Variants in C2CD3 observed in about 807,000 individuals in gnomAD.
C2CD3 encodes the protein C2 domain containing 3 centriole elongation regulator, also known as C2 domain-containing protein 3.
A neutral mutation model predicts 234.0 loss-of-function variants in C2CD3; 148 were observed. The ratio of observed to expected loss-of-function variants is 0.63; its 90% CI spans 0.55 to 0.72. The LOEUF (loss-of-function observed/expected upper bound fraction) is 0.72. Ranked by LOEUF, C2CD3 falls within the 30% of genes least tolerant of loss-of-function variation. The probability of loss-of-function intolerance (pLI) is 0.00; values close to 1 mark genes in which losing one functional copy is unlikely to be tolerated. For synonymous variants in C2CD3, 1,000 were observed against 1,035.4 expected, an observed-to-expected ratio of 0.97 and a Z score of 0.66; for missense variants, 2,577 against 2,811.5, an observed-to-expected ratio of 0.92 and a Z score of 1.89.
chr11:74,027,476 A>G (rs1333603485), intron 32 of C2CD3, among the ~76,000 whole-genome samples: 1 of 152,198 alleles, frequency 6.6e-6, no homozygotes. Context: ...TTAATTAGTT[A>G]ATACAAAGTA....
At chr11:74,084,048 A>G (rs1169210359) in intron 22 of C2CD3, among the ~76,000 whole-genome samples, 1 of 152,134 alleles carries the variant, frequency 6.6e-6, no homozygotes, top group East Asian at 1.9e-4. Flanking sequence ...CAACCCAAAT[A>G]TCCATCAATG....
At position 74,114,503 on chromosome 11, in the gene C2CD3, T is replaced by C. The variant is rs1956861570; in HGVS notation, c.1611A>G (p.Arg537=). The change falls in exon 10 of 33, where the codon AGA becomes AGG. Residue 537 remains arginine (R), a synonymous_variant. Coordinates refer to ENST00000334126, the MANE Select transcript of C2CD3 (RefSeq NM_001286577.2). ...LSVDRLALLG[R]THSVRIIIET... Reference sequence around the variant, plus strand: ...CGATGATGATTCTGACTGAATGTGTTCTACCCAAAAGGGCCAGTCTATCCA... The same window carrying C: ...CGATGATGATTCTGACTGAATGTGTCCTACCCAAAAGGGCCAGTCTATCCA... The C allele has an allele frequency of 6.2e-7, 1 of 1,613,804 alleles. No individual in the cohort carries two copies. Among genetic ancestry groups the C allele is most frequent in the Non-Finnish European group, 8.5e-7 (1 of 1,179,720 alleles).
intron 28 of C2CD3, among the ~76,000 whole-genome samples, chr11:74,043,084 T>C (rs555470318): frequency 1.8e-4 from 28 of 152,330 alleles, no homozygotes; most frequent in African/African-American, 6.5e-4. Flanking sequence ...ACGTAACTGT[T>C]ACCACAATCA....
At chr11:74,132,367 A>G (rs1281549981) in intron 7 of C2CD3, among the ~76,000 whole-genome samples, 1 of 152,078 alleles carries the variant, frequency 6.6e-6, no homozygotes, top group East Asian at 1.9e-4. Context: ...ACAAAAAACA[A>G]AAAAAAACCC....
At chr11:74,024,126 A>T (rs1046301751) in intron 32 of C2CD3, among the ~76,000 whole-genome samples, 3 of 152,214 alleles carry the variant, frequency 2.0e-5, no homozygotes, top group Admixed American at 1.3e-4. Context: ...AACTGTTGAA[A>T]ACTAGAGATA....
chr11:74,123,608 A>C (rs1229808798), intron 7 of C2CD3, among the ~76,000 whole-genome samples: 1 of 152,206 alleles, frequency 6.6e-6, no homozygotes, highest in Non-Finnish European at 1.5e-5. Flanking sequence ...TATTAGTTCT[A>C]TATCGAATAC....
intron 11 of C2CD3, among the ~76,000 whole-genome samples, chr11:74,112,203 A>G (rs1198713871): frequency 3.9e-5 from 6 of 152,194 alleles, no homozygotes; most frequent in African/African-American, 1.4e-4. Context: ...TTAGGACCAC[A>G]TCTTTTATTT....
chr11:74,148,974 T>C (rs1855408177), intron 3 of C2CD3, among the ~76,000 whole-genome samples: 2 of 152,212 alleles, frequency 1.3e-5, no homozygotes, highest in South Asian at 4.1e-4. Flanking sequence ...TTCGATAATT[T>C]TGTTACATAA....
At chr11:74,040,092 G>A (rs565057776) in intron 29 of C2CD3, among the ~76,000 whole-genome samples, 6 of 152,346 alleles carry the variant, frequency 3.9e-5, no homozygotes, top group African/African-American at 1.4e-4. Context: ...GGAGGTGAGT[G>A]GGGGCAAGTG....
intron 3 of C2CD3, among the ~76,000 whole-genome samples, chr11:74,149,357 T>C (rs1359513399): frequency 1.1e-5 from 1 of 90,680 alleles, no homozygotes; most frequent in African/African-American, 1.0e-4. Flanking sequence ...ATTTGCTTAG[T>C]TAAAAAAAAA....
chr11:74,102,440 T>C (rs1200208972), intron 14 of C2CD3, among the ~76,000 whole-genome samples: 3 of 152,238 alleles, frequency 2.0e-5, no homozygotes, highest in Admixed American at 6.5e-5. Context: ...GTCTGGCTTA[T>C]ATAGAAATGT....
chr11:74,032,950 T>A (rs1952582937), intron 31 of C2CD3, among the ~76,000 whole-genome samples: 1 of 152,108 alleles, frequency 6.6e-6, no homozygotes, highest in Admixed American at 6.5e-5. Context: ...AAAAGACTTG[T>A]GATGACTGAA....
chr11:74,042,522 G>T (rs956642612), intron 28 of C2CD3, among the ~76,000 whole-genome samples: 6 of 152,148 alleles, frequency 3.9e-5, no homozygotes, highest in Non-Finnish European at 7.4e-5. Flanking sequence ...GGGGGCTGAG[G>T]TGGGTGGTTC....
chr11:74,034,003 TGTCTTCACTGCTCTGCATCC>T lies in C2CD3; in HGVS notation c.6137_6156del (p.Arg2046AsnfsTer2), dbSNP rs1463717568. On this transcript the variant is annotated frameshift_variant, in exon 31 of 33. Coordinates refer to ENST00000334126, the MANE Select transcript of C2CD3 (RefSeq NM_001286577.2). LOFTEE classifies it high-confidence loss of function. The stretch of plus-strand genomic sequence containing the variant: ...TCACTGTAGGCTGGGCCTGCCTCAG[TGTCTTCACTGCTCTGCATCC>T]TTGTAATGGGTACTGCATGCCTCAG... 1 of 1,536,542 alleles carries T rather than the reference TGTCTTCACTGCTCTGCATCC, an allele frequency of 6.5e-7. No individual in the cohort carries two copies. Among genetic ancestry groups the T allele is most frequent in the Admixed American group, 2.0e-5 (1 of 51,000 alleles).
chr11:74,136,651 A>G (rs576658763), intron 5 of C2CD3, among the ~76,000 whole-genome samples: 1 of 152,298 alleles, frequency 6.6e-6, no homozygotes, highest in South Asian at 2.1e-4. Context: ...GCTAGCACAT[A>G]ATCAGTGCTC....
rs1267247134 is a variant in C2CD3 at position 74,078,569 on chromosome 11, C to T, written c.4149G>A (p.Glu1383=). Residue 1383 remains glutamate (E), a synonymous_variant, in exon 23 of 33, where the codon GAG becomes GAA. Coordinates refer to ENST00000334126, the MANE Select transcript of C2CD3 (RefSeq NM_001286577.2). The part of the protein sequence containing the change: ...GDRERVLEAA[E]HLGWSFENSL... Reference sequence around the variant, plus strand: ...TGTTCTCAAAGCTCCAGCCCAAATGCTCAGCAGCTTCCAACACCCGTTCTC... The same window carrying T: ...TGTTCTCAAAGCTCCAGCCCAAATGTTCAGCAGCTTCCAACACCCGTTCTC... 1 of 1,614,122 alleles carries T rather than the reference C, an allele frequency of 6.2e-7. No individual in the cohort carries two copies.
chr11:74,085,482 T>C, intron 21 of C2CD3, 136 bp downstream of exon 21: 1 of 843,956 alleles, frequency 1.2e-6, no homozygotes, highest in Non-Finnish European at 1.8e-6. Context: ...TTTTTTGCTA[T>C]ATCTTTCAGA....
At chr11:74,141,887 A>G (rs114310662) in intron 3 of C2CD3, among the ~76,000 whole-genome samples, 110 of 152,028 alleles carry the variant, frequency 7.2e-4, no homozygotes, top group African/African-American at 2.4e-3. Context: ...TTGAAGTCCT[A>G]GCTACTCGCT....
chr11:74,027,367 C>T lies in C2CD3; in HGVS notation c.6921+920G>A, dbSNP rs191528881. Among the ~76,000 whole-genome samples, 324 of 152,334 alleles carry T rather than the reference C, an allele frequency of 2.1e-3. 1 individual carries two copies. The highest frequency in any genetic ancestry group is 4.0e-3 in the Non-Finnish European group (272 of 68,036). The stretch of plus-strand genomic sequence containing the variant: ...AAGTGATCCTGCCACCTTGTCCTCC[C>T]AAAGTGCTGGGATTACAGGTATGAG... On this transcript the variant is annotated intron_variant, in intron 32 of 32. Coordinates refer to ENST00000334126, the MANE Select transcript of C2CD3 (RefSeq NM_001286577.2).
Sources: gnomAD v4.1 joint callset for allele counts (sites outside exome capture counted in the v4.1 genomes callset) on GRCh38, gnomAD v4.1.1 for gene constraint, MANE v1.5 for transcripts, NCBI Gene and HGNC (gene_info 2026-07-23, HGNC 2026-07-21) for gene names.